CREB5: variants seen among roughly 807,000 people sequenced by gnomAD.
The protein encoded by CREB5 is cyclic AMP-responsive element-binding protein 5.
A neutral mutation model predicts 57.1 loss-of-function variants in CREB5; 19 were observed. The observed-to-expected ratio is 0.33, with a 90% CI of 0.23 to 0.49. The LOEUF is 0.49. Ranked by LOEUF, CREB5 falls within the 20% of genes least tolerant of loss-of-function variation. The pLI is 0.99. For missense variants in CREB5, 579 were observed against 671.6 expected (o/e 0.86, Z 1.52); for synonymous variants, 238 against 238.3 (o/e 1.00, Z 0.01).
At chr7:28,453,734 T>C (rs1789949473) in intron 1 of CREB5, among the ~76,000 whole-genome samples, 1 of 152,222 alleles carries the variant, frequency 6.6e-6, no homozygotes, top group Non-Finnish European at 1.5e-5. Context: ...TGCCCTACTA[T>C]GTGCTGCTGT....
rs575221127 is a variant in CREB5, at chr7:28,363,555, T to A, written c.-25+64114T>A. Among the ~76,000 whole-genome samples the A allele has an allele frequency of 5.3e-5, 8 of 151,902 alleles. No individual in the cohort carries two copies. The East Asian group carries it at 1.4e-3, about 26-fold the overall frequency. Reference sequence around the variant, plus strand: ...TAGCTTTGATCTCATCCACCGAGAATGGGTTTGAACTTCCTTACAGAACTT... The same window carrying A: ...TAGCTTTGATCTCATCCACCGAGAAAGGGTTTGAACTTCCTTACAGAACTT... On this transcript the variant is annotated intron_variant, in intron 1 of 9. Transcript: ENST00000396299.
At chr7:28,556,658 G>T in intron 4 of CREB5, among the ~76,000 whole-genome samples, 1 of 152,100 alleles carries the variant, frequency 6.6e-6, no homozygotes, top group East Asian at 1.9e-4. Flanking sequence ...ACACATAATT[G>T]TACTGGGTAT....
At chr7:28,817,709 C>G (rs1215025832) in intron 9 of CREB5, among the ~76,000 whole-genome samples, 1 of 152,134 alleles carries the variant, frequency 6.6e-6, no homozygotes, top group Non-Finnish European at 1.5e-5. Flanking sequence ...CTTCTTATCC[C>G]CATCTTATAA....
intron 1 of CREB5, among the ~76,000 whole-genome samples, chr7:28,322,998 C>T (rs1785519571): frequency 6.6e-6 from 1 of 152,188 alleles, no homozygotes; most frequent in Non-Finnish European, 1.5e-5. Flanking sequence ...CTAGTACTCA[C>T]TAGTAATTCT....
intron 7 of CREB5, among the ~76,000 whole-genome samples, chr7:28,730,818 C>T (rs1803578550): frequency 6.6e-6 from 1 of 152,098 alleles, no homozygotes; most frequent in Admixed American, 6.5e-5. Flanking sequence ...AGTGGTATAA[C>T]CAGGACCTGA....
At chr7:28,539,960 T>C (rs147068544) in intron 4 of CREB5, among the ~76,000 whole-genome samples, 266 of 152,306 alleles carry the variant, frequency 1.7e-3, no homozygotes, top group Middle Eastern at 0.01. Flanking sequence ...CATAAATTGT[T>C]ATGGCTGTTT....
chr7:28,331,391 A>G (rs774764790), intron 1 of CREB5, among the ~76,000 whole-genome samples: 1 of 152,012 alleles, frequency 6.6e-6, no homozygotes. Context: ...TTTATGTGCT[A>G]TAGGTATACC....
chr7:28,546,741 A>G (rs1794438031), intron 4 of CREB5, among the ~76,000 whole-genome samples: 1 of 152,220 alleles, frequency 6.6e-6, no homozygotes, highest in Admixed American at 6.5e-5. Context: ...TTGTTCACTG[A>G]AAATAACTGA....
At chr7:28,348,822 C>G (rs1786128073) in intron 1 of CREB5, among the ~76,000 whole-genome samples, 1 of 152,208 alleles carries the variant, frequency 6.6e-6, no homozygotes, top group South Asian at 2.1e-4. Flanking sequence ...CCCAGCCAGG[C>G]CATCCACATG....
At chr7:28,668,032 T>G (rs533356401) in intron 5 of CREB5, among the ~76,000 whole-genome samples, 31 of 152,282 alleles carry the variant, frequency 2.0e-4, no homozygotes, top group Non-Finnish European at 1.2e-4. Flanking sequence ...TCCCCAGCCT[T>G]GAGTACTACA....
At chr7:28,377,053 A>G (rs567356188) in intron 1 of CREB5, among the ~76,000 whole-genome samples, 1 of 152,188 alleles carries the variant, frequency 6.6e-6, no homozygotes, top group Non-Finnish European at 1.5e-5. Context: ...TTGACTCATG[A>G]TCTCCCAGTC....
chr7:28,424,924 A>G (rs1323849648), intron 1 of CREB5, among the ~76,000 whole-genome samples: 1 of 152,232 alleles, frequency 6.6e-6, no homozygotes, highest in Non-Finnish European at 1.5e-5. Flanking sequence ...TGCATTTTAG[A>G]AACACATCAT....
intron 1 of CREB5, among the ~76,000 whole-genome samples, chr7:28,459,363 AT>A (rs748623313): frequency 1.2e-4 from 19 of 152,292 alleles, no homozygotes; most frequent in Non-Finnish European, 2.1e-4. Context: ...AGCACTGAAA[AT>A]AAGGATCAGG....
intron 7 of CREB5, among the ~76,000 whole-genome samples, chr7:28,792,681 T>C (rs918050919): frequency 3.9e-5 from 6 of 152,218 alleles, no homozygotes; most frequent in Admixed American, 2.6e-4. Flanking sequence ...TATTTTTTAT[T>C]CTGGCTTCCT....
At chr7:28,321,416 C>A (rs1052301620) in intron 1 of CREB5, among the ~76,000 whole-genome samples, 1 of 152,152 alleles carries the variant, frequency 6.6e-6, no homozygotes, top group Non-Finnish European at 1.5e-5. Context: ...AAAAACATTT[C>A]TTTTTCTTCT....
At chr7:28,406,419 C>T (rs1303844403) in intron 1 of CREB5, among the ~76,000 whole-genome samples, 1 of 152,222 alleles carries the variant, frequency 6.6e-6, no homozygotes, top group Non-Finnish European at 1.5e-5. Flanking sequence ...TCTGCCACCG[C>T]CAATGGTACC....
At chr7:28,495,070 T>C in intron 3 of CREB5, 71 bp downstream of exon 3, 3 of 1,073,726 alleles carry the variant, frequency 2.8e-6, no homozygotes, top group Non-Finnish European at 3.9e-6. Flanking sequence ...GTTCTTCTTT[T>C]GGTAGGCGAG....
chr7:28,557,937 A>C (rs938530198), intron 4 of CREB5, among the ~76,000 whole-genome samples: 2 of 132,332 alleles, frequency 1.5e-5, no homozygotes, highest in Non-Finnish European at 1.7e-5. Flanking sequence ...CTCCTATTGC[A>C]CCAGGGACCC....
chr7:28,750,796 T>C (rs974336793), intron 7 of CREB5, among the ~76,000 whole-genome samples: 4 of 152,164 alleles, frequency 2.6e-5, no homozygotes, highest in Admixed American at 1.3e-4. Context: ...ATTAAATATA[T>C]ATTAAATACT....
Sources: allele counts gnomAD v4.1 joint callset (sites outside exome capture counted in the v4.1 genomes callset), GRCh38; gene constraint gnomAD v4.1.1; transcripts MANE v1.5; gene names NCBI Gene and HGNC (gene_info 2026-07-23, HGNC 2026-07-21).